SPEF2: variants seen among roughly 807,000 people sequenced by gnomAD.
The protein encoded by SPEF2 is sperm flagellar and cilia associated 2.
In SPEF2, 187 loss-of-function variants were observed where a neutral mutation model predicts 224.6. That is an observed-to-expected ratio of 0.83 (90% CI 0.74 to 0.94). The LOEUF is 0.94. Among genes scored for constraint, SPEF2 ranks in the 40% least tolerant of loss-of-function variants. SPEF2 has a pLI of 0.00. For missense variants in SPEF2, 2,170 were observed against 2,135.6 expected (o/e 1.02, Z -0.32); for synonymous variants, 715 against 707.3 (o/e 1.01, Z -0.17).
chr5:35,722,772 G>A (rs1743957412), intron 20 of SPEF2, among the ~76,000 whole-genome samples: 1 of 150,638 alleles, frequency 6.6e-6, no homozygotes, highest in Admixed American at 6.6e-5. Flanking sequence ...TACTGAGAAT[G>A]ATGATTTCCA....
intron 23 of SPEF2, among the ~76,000 whole-genome samples, chr5:35,750,704 G>A (rs1208012258): frequency 1.3e-5 from 2 of 151,818 alleles, no homozygotes; most frequent in African/African-American, 4.8e-5. Context: ...AGTAGATGTC[G>A]GTGAGGATGC....
chr5:35,675,278 A>G (rs1184906246), intron 10 of SPEF2, among the ~76,000 whole-genome samples: 1 of 152,180 alleles, frequency 6.6e-6, no homozygotes, highest in Non-Finnish European at 1.5e-5. Flanking sequence ...AAATACAAAC[A>G]TTTCTCAAGA....
chr5:35,711,963 G>A (rs1439920355), intron 19 of SPEF2, among the ~76,000 whole-genome samples: 3 of 152,256 alleles, frequency 2.0e-5, no homozygotes, highest in Non-Finnish European at 4.4e-5. Flanking sequence ...AATGCAGGAT[G>A]TAGTGAATTT....
At position 35,704,590 on chromosome 5, in the gene SPEF2, T is replaced by G; in HGVS notation, c.2435T>G (p.Ile812Ser). 2 of 1,612,816 alleles carry G rather than the reference T, an allele frequency of 1.2e-6. No homozygotes were observed. The highest frequency in any genetic ancestry group is 1.7e-6 in the Non-Finnish European group (2 of 1,179,244). The part of the protein sequence containing the change: ...ELSYKTAHED[I>S]SQRVAAENQD... Reference sequence around the variant, plus strand: ...TCCTATAAAACTGCTCACGAAGATATCAGTCAACGTGTAGCTGCTGAAAAC... The same window carrying G: ...TCCTATAAAACTGCTCACGAAGATAGCAGTCAACGTGTAGCTGCTGAAAAC... Residue 812 changes from isoleucine (I) to serine (S), a missense_variant, in exon 17 of 37, where the codon ATC becomes AGC. Coordinates refer to ENST00000356031, the MANE Select transcript of SPEF2 (RefSeq NM_024867.4).
At chr5:35,741,358 G>T (rs548596500) in intron 23 of SPEF2, among the ~76,000 whole-genome samples, 1 of 152,322 alleles carries the variant, frequency 6.6e-6, no homozygotes, top group Admixed American at 6.5e-5. Flanking sequence ...AATATTTGGA[G>T]AAAGGGTGTA....
At chr5:35,811,527 A>G (rs1758529098) in intron 36 of SPEF2, among the ~76,000 whole-genome samples, 1 of 151,946 alleles carries the variant, frequency 6.6e-6, no homozygotes, top group Non-Finnish European at 1.5e-5. Flanking sequence ...GTTCATACCT[A>G]TGAAGTGTGT....
chr5:35,653,290 A>G (rs542770890), intron 6 of SPEF2, among the ~76,000 whole-genome samples: 1 of 152,362 alleles, frequency 6.6e-6, no homozygotes, highest in East Asian at 1.9e-4. Flanking sequence ...GGCATGAGCA[A>G]GAAGCCAGTC....
rs1378699058 is a variant in SPEF2 at position 35,802,198 on chromosome 5, C to G, written c.5010+2051C>G. 5.9e-5 allele frequency among the ~76,000 whole-genome samples: 9 copies of G among 151,856 alleles called. No homozygotes were observed. The East Asian group carries it at 9.7e-4, about 16-fold the overall frequency. On this transcript the variant is annotated intron_variant, in intron 34 of 36. Coordinates refer to ENST00000356031, the MANE Select transcript of SPEF2 (RefSeq NM_024867.4). ...TGTTACTCTCTCCACCTGGCATACT[C>G]TTCATCTCATCTCAAAGGATCCGAG...
At chr5:35,744,057 C>T (rs1465307671) in intron 23 of SPEF2, among the ~76,000 whole-genome samples, 1 of 152,164 alleles carries the variant, frequency 6.6e-6, no homozygotes, top group Non-Finnish European at 1.5e-5. Context: ...AATTTGACTT[C>T]TACCTGATAT....
At chr5:35,670,285 T>C (rs1751062565) in intron 10 of SPEF2, 58 bp downstream of exon 10, 1 of 1,518,206 alleles carries the variant, frequency 6.6e-7, no homozygotes, top group African/African-American at 1.4e-5. Flanking sequence ...TTCTTTAACA[T>C]TAATTTTGTG....
intron 23 of SPEF2, among the ~76,000 whole-genome samples, chr5:35,742,124 T>C (rs375138044): frequency 1.3e-5 from 2 of 152,204 alleles, no homozygotes; most frequent in African/African-American, 4.8e-5. Flanking sequence ...GAACATGTTT[T>C]CTTTTTCAAT....
chr5:35,645,441 G>C (rs1219079353), intron 4 of SPEF2, among the ~76,000 whole-genome samples: 1 of 152,126 alleles, frequency 6.6e-6, no homozygotes, highest in Admixed American at 6.5e-5. Context: ...CTGCCTCAGA[G>C]TTCAGAATTG....
chr5:35,661,415 A>T (rs554122845), intron 8 of SPEF2, among the ~76,000 whole-genome samples: 6 of 148,716 alleles, frequency 4.0e-5, no homozygotes, highest in Non-Finnish European at 5.9e-5. Flanking sequence ...GTTAACAAAA[A>T]ATATATATAT....
At chr5:35,724,997 C>T (rs1466792312) in intron 20 of SPEF2, among the ~76,000 whole-genome samples, 1 of 151,946 alleles carries the variant, frequency 6.6e-6, no homozygotes, top group Admixed American at 6.5e-5. Flanking sequence ...TCCAGCTCTA[C>T]GCAGAGTAAC....
chr5:35,764,042 AG>A lies in SPEF2; in HGVS notation c.3801+344del, dbSNP rs80103480. The stretch of plus-strand genomic sequence containing the variant: ...AAGCAGAAGTCACATCCCTGCTTGC[AG>A]GGGCACATGCAATTGCCATTTAAAA... On this transcript the variant is annotated intron_variant, in intron 26 of 36. Coordinates refer to ENST00000356031, the MANE Select transcript of SPEF2 (RefSeq NM_024867.4). Among the ~76,000 whole-genome samples the A allele has an allele frequency of 5.8e-4, 89 of 152,322 alleles. No homozygotes were observed. The East Asian group carries it at 0.014, about 25-fold the overall frequency.
intron 5 of SPEF2, 44 bp from the exon 6 acceptor site, chr5:35,649,317 A>G (rs909012285): frequency 1.5e-5 from 23 of 1,502,414 alleles, no homozygotes; most frequent in Middle Eastern, 3.5e-4. Context: ...AGATTTTTCA[A>G]TGGTTTTTAG....
At chr5:35,690,889 A>T (rs1754359041) in intron 10 of SPEF2, 148 bp from the exon 11 acceptor site, 5 of 565,948 alleles carry the variant, frequency 8.8e-6, no homozygotes, top group Non-Finnish European at 1.5e-5. Flanking sequence ...AACTATTATT[A>T]ATGTTATTAC....
intron 12 of SPEF2, among the ~76,000 whole-genome samples, chr5:35,693,124 G>T (rs1754768045): frequency 6.6e-6 from 1 of 152,074 alleles, no homozygotes; most frequent in African/African-American, 2.4e-5. Context: ...GGTGGCATAT[G>T]ATTGTTTTAG....
At chr5:35,633,083 T>G (rs1210823704) in intron 2 of SPEF2, 2 of 152,212 alleles carry the variant, frequency 1.3e-5, no homozygotes, top group Non-Finnish European at 2.9e-5. Flanking sequence ...ATGTTTCATA[T>G]GCACTTGAAG....
Sources: allele counts gnomAD v4.1 joint callset (sites outside exome capture counted in the v4.1 genomes callset), GRCh38; gene constraint gnomAD v4.1.1; transcripts MANE v1.5; gene names NCBI Gene and HGNC (gene_info 2026-07-23, HGNC 2026-07-21).